The following PLCXD3 variants were observed in gnomAD, a reference collection of about 807,000 sequenced individuals.
PLCXD3 encodes the protein PI-PLC X domain-containing protein 3.
In PLCXD3, 19 loss-of-function variants were observed where a neutral mutation model predicts 25.5. The observed-to-expected ratio is 0.75, with a 90% confidence interval of 0.52 to 1.09. The LOEUF (loss-of-function observed/expected upper bound fraction) is 1.09, where lower values mean the gene tolerates loss of function less well. PLCXD3 is among the 50% of genes least tolerant of loss of function. The pLI, the probability that PLCXD3 is intolerant of heterozygous loss-of-function variation, is 0.00. For missense variants in PLCXD3, 411 were observed against 388.1 expected (o/e 1.06, Z -0.50); for synonymous variants, 174 against 137.6 (o/e 1.26, Z -1.85).
chr5:41,452,808 C>T (rs1352085939), intron 1 of PLCXD3, among the ~76,000 whole-genome samples: 1 of 151,906 alleles, frequency 6.6e-6, no homozygotes, highest in Non-Finnish European at 1.5e-5. Flanking sequence ...TCTGAGGCTC[C>T]CATAGCTAAC....
chr5:41,443,396 G>A (rs914449956), intron 1 of PLCXD3, among the ~76,000 whole-genome samples: 1 of 151,988 alleles, frequency 6.6e-6, no homozygotes, highest in Admixed American at 6.6e-5. Context: ...ACTCCATGAT[G>A]TTTACACCAT....
intron 1 of PLCXD3, among the ~76,000 whole-genome samples, chr5:41,395,258 GA>G (rs1450282705): frequency 1.3e-5 from 2 of 151,948 alleles, no homozygotes. Flanking sequence ...AAAGGAAATT[GA>G]AAAATTTGTT....
chr5:41,348,060 A>G (rs1355817950), intron 2 of PLCXD3, among the ~76,000 whole-genome samples: 1 of 152,224 alleles, frequency 6.6e-6, no homozygotes, highest in East Asian at 1.9e-4. Flanking sequence ...TGGAGAAACA[A>G]ATACTTTTTC....
chr5:41,373,010 C>T (rs1204075301), intron 2 of PLCXD3, among the ~76,000 whole-genome samples: 1 of 152,102 alleles, frequency 6.6e-6, no homozygotes, highest in African/African-American at 2.4e-5. Context: ...TGCCACTGTA[C>T]TCCAGCCTGG....
chr5:41,464,555 C>T (rs1294927275), intron 1 of PLCXD3, among the ~76,000 whole-genome samples: 3 of 152,140 alleles, frequency 2.0e-5, no homozygotes, highest in South Asian at 2.1e-4. Flanking sequence ...ATATTCTGCA[C>T]ATGTATCCCA....
In PLCXD3 at chr5:41,440,249, T is replaced by TTTTTTTTTTTTTTTTTTTTTTTTTTTTG. The variant is rs751131624; in HGVS notation, c.104-57716_104-57715insCAAAAAAAAAAAAAAAAAAAAAAAAAAA. 2.9e-4 allele frequency among the ~76,000 whole-genome samples: 29 copies of TTTTTTTTTTTTTTTTTTTTTTTTTTTTG among 100,388 alleles called. 4 individuals carry two copies. Among genetic ancestry groups the TTTTTTTTTTTTTTTTTTTTTTTTTTTTG allele is most frequent in the East Asian group, 6.9e-4 (2 of 2,884 alleles). The allele number at this position is 100,388 out of a possible 152,430, so 65.9% of individuals were successfully genotyped here. ...TTTTTTTTTTTTTTTTTTTTTTTTT[T>TTTTTTTTTTTTTTTTTTTTTTTTTTTTG]TTAGTCAGAGTCTCACTGTGTCACC... On this transcript the variant is annotated intron_variant, in intron 1 of 2. Coordinates refer to ENST00000377801, the MANE Select transcript of PLCXD3 (RefSeq NM_001005473.3).
chr5:41,346,658 A>G (rs369682589), intron 2 of PLCXD3, among the ~76,000 whole-genome samples: 1 of 152,242 alleles, frequency 6.6e-6, no homozygotes, highest in Non-Finnish European at 1.5e-5. Flanking sequence ...GATTAGGTAC[A>G]TTCACATTGT....
intron 1 of PLCXD3, among the ~76,000 whole-genome samples, chr5:41,504,859 T>C (rs1749022794): frequency 6.6e-6 from 1 of 152,170 alleles, no homozygotes; most frequent in African/African-American, 2.4e-5. Flanking sequence ...TTTAGAACTA[T>C]TTGGAAGTTC....
At chr5:41,475,831 T>C (rs1303636640) in intron 1 of PLCXD3, 3 of 464,498 alleles carry the variant, frequency 6.5e-6, no homozygotes, top group African/African-American at 4.1e-5. Flanking sequence ...GGGATGAACA[T>C]AGAAATGAAA....
intron 1 of PLCXD3, among the ~76,000 whole-genome samples, chr5:41,477,548 C>A (rs940138294): frequency 1.3e-5 from 2 of 152,094 alleles, no homozygotes; most frequent in Non-Finnish European, 2.9e-5. Context: ...CATATTTTCA[C>A]AGCTCCTTGG....
At position 41,408,775 on chromosome 5, in the gene PLCXD3, C is replaced by A. The variant is rs780974511; in HGVS notation, c.104-26241G>T. ...AGCCTAATTCCTCTTACCCTTGAGGCCACCAAGCTGCATTTTCAAATGTAT... is the reference window on the plus strand; with the variant it reads ...AGCCTAATTCCTCTTACCCTTGAGGACACCAAGCTGCATTTTCAAATGTAT... On this transcript the variant is annotated intron_variant, in intron 1 of 2. Transcript: ENST00000377801. Among the ~76,000 whole-genome samples, 3 of 152,164 alleles carry A rather than the reference C, an allele frequency of 2.0e-5. No homozygotes were observed. The East Asian group carries it at 5.8e-4, about 29-fold the overall frequency.
intron 1 of PLCXD3, among the ~76,000 whole-genome samples, chr5:41,412,951 T>C (rs1746601687): frequency 6.6e-6 from 1 of 152,174 alleles, no homozygotes; most frequent in Non-Finnish European, 1.5e-5. Context: ...CAAATTTGCA[T>C]TCTATATTCC....
intron 2 of PLCXD3, among the ~76,000 whole-genome samples, chr5:41,321,705 A>G (rs1337204285): frequency 6.6e-6 from 1 of 152,240 alleles, no homozygotes; most frequent in Non-Finnish European, 1.5e-5. Context: ...CTAACACAGC[A>G]TGGCACTGGC....
chr5:41,368,613 C>T (rs190948557), intron 2 of PLCXD3, among the ~76,000 whole-genome samples: 50 of 152,244 alleles, frequency 3.3e-4, no homozygotes, highest in Non-Finnish European at 5.9e-4. Context: ...TTGTCTTGTG[C>T]TGGATTTCAA....
At chr5:41,434,804 G>A (rs1312006705) in intron 1 of PLCXD3, among the ~76,000 whole-genome samples, 1 of 152,154 alleles carries the variant, frequency 6.6e-6, no homozygotes, top group Non-Finnish European at 1.5e-5. Flanking sequence ...GAGAGTAGGG[G>A]TGGGAGGGAT....
intron 1 of PLCXD3, among the ~76,000 whole-genome samples, chr5:41,446,442 A>G: frequency 6.6e-6 from 1 of 152,112 alleles, no homozygotes; most frequent in East Asian, 1.9e-4. Context: ...ATCTGACTCA[A>G]CTAGTCAATT....
At chr5:41,320,865 A>G (rs530587308) in intron 2 of PLCXD3, among the ~76,000 whole-genome samples, 1 of 152,366 alleles carries the variant, frequency 6.6e-6, no homozygotes, top group East Asian at 1.9e-4. Flanking sequence ...ATCTCAATTG[A>G]TGCTGAAAAA....
chr5:41,485,122 T>A (rs1438738587), intron 1 of PLCXD3, among the ~76,000 whole-genome samples: 1 of 152,190 alleles, frequency 6.6e-6, no homozygotes, highest in Non-Finnish European at 1.5e-5. Context: ...ACACCAATTA[T>A]TTCATTTCAT....
intron 2 of PLCXD3, among the ~76,000 whole-genome samples, chr5:41,377,594 A>G (rs1352814459): frequency 6.6e-6 from 1 of 152,030 alleles, no homozygotes; most frequent in East Asian, 1.9e-4. Flanking sequence ...AGAAATTAAA[A>G]ATAGGTCTTT....
Sources: allele counts gnomAD v4.1 joint callset (sites outside exome capture counted in the v4.1 genomes callset), GRCh38; gene constraint gnomAD v4.1.1; transcripts MANE v1.5; gene names NCBI Gene and HGNC (gene_info 2026-07-23, HGNC 2026-07-21).